Variants in LMNTD1 observed in about 807,000 individuals in gnomAD.
LMNTD1 encodes the protein lamin tail domain containing 1.
In LMNTD1, 35 loss-of-function variants were observed where a neutral mutation model predicts 50.9. That is an observed-to-expected ratio of 0.69 (90% confidence interval 0.53 to 0.91). LMNTD1 has a LOEUF of 0.91. LMNTD1 is among the 40% of genes least tolerant of loss of function. LMNTD1 has a pLI of 0.00. For synonymous variants in LMNTD1, 153 were observed against 161.9 expected, an observed-to-expected ratio of 0.94 and a Z score of 0.42; for missense variants, 470 against 475.5, an observed-to-expected ratio of 0.99 and a Z score of 0.11.
chr12:25,614,217 G>A (rs1037730494), intron 1 of LMNTD1, among the ~76,000 whole-genome samples: 28 of 151,882 alleles, frequency 1.8e-4, no homozygotes, highest in African/African-American at 5.3e-4. Flanking sequence ...AGCTTCCTAC[G>A]CATTTTTCTA....
rs1938948008 is a variant in LMNTD1 at position 25,493,281 on chromosome 12, G to A, written c.*22+10457C>T. Among the ~76,000 whole-genome samples the A allele has an allele frequency of 2.0e-5, 3 of 152,244 alleles. No homozygotes were observed. The South Asian group carries it at 6.2e-4, about 32-fold the overall frequency. ...TATCTGATGATTACAATGCATAACA[G>A]GGAAAAATAAGCTTGAAAGGTAAAA... On this transcript the variant is annotated intron_variant, in intron 9 of 9. Coordinates refer to ENST00000458174, the MANE Select transcript of LMNTD1 (RefSeq NM_001145728.2).
intron 1 of LMNTD1, among the ~76,000 whole-genome samples, chr12:25,614,297 G>C (rs1234795717): frequency 6.6e-6 from 1 of 151,858 alleles, no homozygotes; most frequent in Non-Finnish European, 1.5e-5. Context: ...GCCTCCACCA[G>C]CCCTGGAGAT....
At chr12:25,533,162 G>T (rs527936872) in intron 4 of LMNTD1, among the ~76,000 whole-genome samples, 1 of 152,108 alleles carries the variant, frequency 6.6e-6, no homozygotes, top group Non-Finnish European at 1.5e-5. Context: ...CCTTCTTTTT[G>T]ATATAAGATC....
chr12:25,549,218 T>A (rs1054408708), intron 3 of LMNTD1, 108 bp downstream of exon 3: 1 of 604,276 alleles, frequency 1.7e-6, no homozygotes, highest in Non-Finnish European at 2.8e-6. Flanking sequence ...GTTAGCATTT[T>A]GGGGGAGTAA....
intron 1 of LMNTD1, among the ~76,000 whole-genome samples, chr12:25,561,271 T>C (rs1282503900): frequency 2.0e-5 from 3 of 152,370 alleles, no homozygotes; most frequent in Admixed American, 2.0e-4. Context: ...CTTTCTCTTG[T>C]GGGCATTTAG....
chr12:25,610,273 T>C (rs1454028217), intron 1 of LMNTD1, among the ~76,000 whole-genome samples: 1 of 152,102 alleles, frequency 6.6e-6, no homozygotes, highest in Non-Finnish European at 1.5e-5. Flanking sequence ...AAAGGGAAAT[T>C]TCCAGGCCCC....
intron 9 of LMNTD1, among the ~76,000 whole-genome samples, chr12:25,486,481 T>C (rs1445057294): frequency 2.1e-5 from 3 of 141,594 alleles, no homozygotes; most frequent in East Asian, 2.6e-4. Context: ...CTTTTCCTAA[T>C]TGAATACCCT....
In LMNTD1 at chr12:25,492,425, G is replaced by T. The variant is rs983976674; in HGVS notation, c.*22+11313C>A. ...AGTTGCATTGTATAGATTGATATTG[G>T]CTTAACACTGAATTTTTAGGGGAAA... On this transcript the variant is annotated intron_variant, in intron 9 of 9. Coordinates refer to ENST00000458174, the MANE Select transcript of LMNTD1 (RefSeq NM_001145728.2). 4.6e-5 allele frequency among the ~76,000 whole-genome samples: 7 copies of T among 152,114 alleles called. No individual in the cohort carries two copies. In the East Asian group the frequency reaches 1.3e-3, roughly 29 times the overall value.
chr12:25,581,674 G>C (rs1377841246), intron 1 of LMNTD1, among the ~76,000 whole-genome samples: 1 of 152,154 alleles, frequency 6.6e-6, no homozygotes, highest in Non-Finnish European at 1.5e-5. Flanking sequence ...ATATGTTCTA[G>C]TTCTGAGAGA....
At position 25,646,220 on chromosome 12, in the gene LMNTD1, C is replaced by T. The variant is rs118064024; in HGVS notation, c.58+2274G>A. ...AGACGTACCCCTTGCCCACCAAGAA[C>T]AGGCCTGTTGTTCATTGACAGCATA... On this transcript the variant is annotated intron_variant, in intron 1 of 7. Coordinates refer to the LMNTD1 transcript ENST00000445693. 3.6e-3 allele frequency among the ~76,000 whole-genome samples: 551 copies of T among 152,156 alleles called. 5 individuals are homozygous for T. The East Asian group carries it at 0.04, about 11-fold the overall frequency.
intron 1 of LMNTD1, among the ~76,000 whole-genome samples, chr12:25,598,044 C>A (rs962793012): frequency 3.9e-5 from 6 of 151,952 alleles, no homozygotes; most frequent in African/African-American, 1.5e-4. Context: ...AAGGGAGTTC[C>A]CCTGCACATG....
intron 4 of LMNTD1, among the ~76,000 whole-genome samples, chr12:25,543,695 G>A (rs1446332908): frequency 1.3e-5 from 2 of 150,872 alleles, no homozygotes; most frequent in African/African-American, 4.9e-5. Flanking sequence ...TTTACTTGAA[G>A]CTTTTCTTTC....
intron 1 of LMNTD1, among the ~76,000 whole-genome samples, chr12:25,637,115 C>G (rs931649397): frequency 2.6e-5 from 4 of 152,034 alleles, no homozygotes; most frequent in Non-Finnish European, 5.9e-5. Flanking sequence ...CCAAATACTA[C>G]CTGTACCTCA....
chr12:25,488,421 G>A (rs1275382208), intron 9 of LMNTD1, among the ~76,000 whole-genome samples: 266 of 137,084 alleles, frequency 1.9e-3, no homozygotes, highest in Non-Finnish European at 3.5e-3. Flanking sequence ...CCAGTTGATC[G>A]CATCGGCTCC....
At chr12:25,518,747 A>T (rs1199712286) in intron 8 of LMNTD1, 48 bp downstream of exon 8, 2 of 1,515,316 alleles carry the variant, frequency 1.3e-6, no homozygotes, top group Admixed American at 3.4e-5. Context: ...ACACATGTGC[A>T]TGCACACACA....
chr12:25,644,470 T>A (rs1418264459), intron 1 of LMNTD1, among the ~76,000 whole-genome samples: 1 of 151,880 alleles, frequency 6.6e-6, no homozygotes, highest in Non-Finnish European at 1.5e-5. Context: ...TAATAAGACC[T>A]GTCTCAACAA....
intron 4 of LMNTD1, among the ~76,000 whole-genome samples, chr12:25,544,812 A>C (rs546967270): frequency 5.3e-4 from 80 of 151,934 alleles, no homozygotes; most frequent in Middle Eastern, 3.4e-3. Context: ...TGAATCACAA[A>C]GGAAAGAATA....
At chr12:25,559,780 A>G (rs1487576732) in intron 1 of LMNTD1, among the ~76,000 whole-genome samples, 1 of 152,080 alleles carries the variant, frequency 6.6e-6, no homozygotes, top group Admixed American at 6.5e-5. Flanking sequence ...TTTGATTTGC[A>G]TTTCTCTGAT....
chr12:25,524,430 G>A (rs1318215569), intron 6 of LMNTD1, among the ~76,000 whole-genome samples: 1 of 152,152 alleles, frequency 6.6e-6, no homozygotes, highest in Non-Finnish European at 1.5e-5. Context: ...CACAGAAATG[G>A]TCTGATTCTA....
Sources: gnomAD v4.1 joint callset for allele counts (sites outside exome capture counted in the v4.1 genomes callset) on GRCh38, gnomAD v4.1.1 for gene constraint, MANE v1.5 for transcripts, NCBI Gene and HGNC (gene_info 2026-07-23, HGNC 2026-07-21) for gene names.